MFAP3: variants seen among roughly 807,000 people sequenced by gnomAD.
MFAP3 encodes microfibril associated protein 3.
Under a neutral mutation model 20.5 loss-of-function variants are expected in MFAP3, and 8 were observed. The ratio of observed to expected loss-of-function variants is 0.39; its 90% CI spans 0.23 to 0.70. The LOEUF is 0.70. Among genes scored for constraint, MFAP3 ranks in the 30% least tolerant of loss-of-function variants. The pLI is 0.44. For missense variants in MFAP3, 398 were observed against 444.6 expected (o/e 0.90, Z 0.94); for synonymous variants, 140 against 154.0 (o/e 0.91, Z 0.67).
Position 154,053,113 on chromosome 5 carries a change from C to G in MFAP3, c.489C>G (p.Leu163=). 6.2e-7 allele frequency: 1 copy of G among 1,613,878 alleles called. No homozygotes were observed. The highest frequency in any genetic ancestry group is 8.5e-7 in the Non-Finnish European group (1 of 1,179,910). The change falls in exon 3 of 3, where the codon CTC becomes CTG. Residue 163 remains leucine (L), a synonymous_variant. Coordinates refer to ENST00000522782, the MANE Select transcript of MFAP3 (RefSeq NM_005927.5). ...IVCLIAFTIT[L]ILNVTRLCMM... Reference sequence around the variant, plus strand: ...GCCTGATTGCCTTTACAATCACACTCATCTTGAATGTCACACGGCTGTGCA... The same window carrying G: ...GCCTGATTGCCTTTACAATCACACTGATCTTGAATGTCACACGGCTGTGCA...
Position 154,054,925 on chromosome 5 carries a change from G to A in MFAP3, c.*1212G>A, listed in dbSNP as rs1478547670. On this transcript the variant is annotated 3_prime_UTR_variant, in exon 3 of 3. Transcript: ENST00000522782. Reference sequence around the variant, plus strand: ...AATAAGATTAGATAATTGTGAGGGTGTGTTACTATATTAAAATACACACAC... The same window carrying A: ...AATAAGATTAGATAATTGTGAGGGTATGTTACTATATTAAAATACACACAC... 6.0e-6 allele frequency: 1 copy of A among 167,044 alleles called. No homozygotes were observed. The highest frequency in any genetic ancestry group is 2.4e-5 in the African/African-American group (1 of 41,448). The allele number at this position is 167,044 out of a possible 1,614,324, so 10.3% of individuals were successfully genotyped here.
intron 1 of MFAP3, among the ~76,000 whole-genome samples, chr5:154,042,474 A>G (rs573619895): frequency 2.0e-5 from 3 of 152,324 alleles, no homozygotes; most frequent in South Asian, 4.1e-4. Context: ...AGTAATATAA[A>G]GGCTATTTTA....
In MFAP3 at chr5:154,043,742, A is replaced by T. The variant is rs73805532; in HGVS notation, c.-167+4731A>T. On this transcript the variant is annotated intron_variant, in intron 1 of 2. Transcript: ENST00000522782. Reference sequence around the variant, plus strand: ...CAGCAGGCATAATATATATATATATATTTTTTTTTCCAAATACAAATGCAC... The same window carrying T: ...CAGCAGGCATAATATATATATATATTTTTTTTTTTCCAAATACAAATGCAC... Among the ~76,000 whole-genome samples the T allele has an allele frequency of 5.7e-3, 809 of 143,004 alleles. 4 individuals carry two copies. The highest frequency in any genetic ancestry group is 0.024 in the South Asian group (103 of 4,354). 93.8% of individuals were successfully genotyped at this position (143,004 alleles called of 152,430 possible).
intron 2 of MFAP3, chr5:154,051,898 T>C (rs2578369): frequency 0.65 from 98,438 of 151,458 alleles, 32,330 homozygotes; most frequent in East Asian, 0.88. Flanking sequence ...GCTAACCTCC[T>C]CTGGGACACC....
chr5:154,044,396 C>T (rs769456322), intron 1 of MFAP3, among the ~76,000 whole-genome samples: 10 of 152,146 alleles, frequency 6.6e-5, no homozygotes, highest in East Asian at 1.9e-4. Context: ...TTCTTGGACA[C>T]GTATCTTTGC....
intron 1 of MFAP3, among the ~76,000 whole-genome samples, chr5:154,048,763 C>G (rs568134724): frequency 6.6e-6 from 1 of 152,292 alleles, no homozygotes; most frequent in African/African-American, 2.4e-5. Flanking sequence ...TGCATTTCTA[C>G]TAACTAGACA....
chr5:154,051,134 A>G (rs898774556), intron 2 of MFAP3, among the ~76,000 whole-genome samples: 8 of 152,246 alleles, frequency 5.3e-5, no homozygotes, highest in African/African-American at 1.9e-4. Flanking sequence ...TGTTTAAAAT[A>G]CATAACTATT....
intron 2 of MFAP3, 42 bp downstream of exon 2, chr5:154,050,059 T>A: frequency 6.5e-7 from 1 of 1,534,230 alleles, no homozygotes. Context: ...ACTCATTTCC[T>A]GTTCTGTCTT....
chr5:154,040,014 A>G (rs1772883647), intron 1 of MFAP3, among the ~76,000 whole-genome samples: 1 of 152,206 alleles, frequency 6.6e-6, no homozygotes, highest in Non-Finnish European at 1.5e-5. Context: ...CCCCTGCTTA[A>G]ATATAAAATG....
At chr5:154,041,969 A>G (rs1220041799) in intron 1 of MFAP3, among the ~76,000 whole-genome samples, 1 of 152,248 alleles carries the variant, frequency 6.6e-6, no homozygotes, top group East Asian at 1.9e-4. Flanking sequence ...ATAAATGTGA[A>G]AACTAAGGCC....
chr5:154,049,326 G>T (rs1773127479), intron 1 of MFAP3, among the ~76,000 whole-genome samples: 1 of 152,134 alleles, frequency 6.6e-6, no homozygotes, highest in Non-Finnish European at 1.5e-5. Flanking sequence ...GCTTGCCAAG[G>T]TCGTACAGCT....
At chr5:154,044,281 T>G (rs961024833) in intron 1 of MFAP3, among the ~76,000 whole-genome samples, 5 of 152,230 alleles carry the variant, frequency 3.3e-5, no homozygotes, top group African/African-American at 9.6e-5. Flanking sequence ...CAGAAACCCA[T>G]TCAAGCTGAC....
rs551886232 is a variant in MFAP3, at chr5:154,054,876, C to T, written c.*1163C>T. ...TTCTGAGCTATGGCTGCTTTTGTAG[C>T]CTTTCCAAGAAGCACTAACCTGAAA... On this transcript the variant is annotated 3_prime_UTR_variant, in exon 3 of 3. Transcript: ENST00000522782. The T allele has an allele frequency of 6.0e-6, 1 of 167,094 alleles. No individual in the cohort carries two copies. The highest frequency in any genetic ancestry group is 2.4e-5 in the African/African-American group (1 of 41,544). 10.4% of individuals were successfully genotyped at this position (167,094 alleles called of 1,614,324 possible).
chr5:154,044,499 ATGTACATGG>A (rs896610783), intron 1 of MFAP3, among the ~76,000 whole-genome samples: 1 of 152,188 alleles, frequency 6.6e-6, no homozygotes, highest in African/African-American at 2.4e-5. Flanking sequence ...TGTGTTCAGG[ATGTACATGG>A]TATGAGTGAA....
intron 1 of MFAP3, among the ~76,000 whole-genome samples, chr5:154,044,740 C>T (rs938982980): frequency 6.6e-6 from 1 of 152,194 alleles, no homozygotes; most frequent in Non-Finnish European, 1.5e-5. Flanking sequence ...GCTTGCCACA[C>T]TCCACTGTGT....
intron 1 of MFAP3, among the ~76,000 whole-genome samples, chr5:154,047,980 A>T (rs569832901): frequency 5.1e-4 from 77 of 152,338 alleles, no homozygotes; most frequent in Non-Finnish European, 1.0e-3. Flanking sequence ...TTGGAAACTT[A>T]CATGTCAAGC....
At position 154,052,905 on chromosome 5, in the gene MFAP3, C is replaced by A; in HGVS notation, c.296-15C>A. ...TTTTGCTATAATTTTTTTTTCATTT[C>A]TGTTCAATTATCAGGTGGAAAGTGG... On this transcript the variant is annotated splice_polypyrimidine_tract_variant and intron_variant, in intron 2 of 2. Coordinates refer to ENST00000522782, the MANE Select transcript of MFAP3 (RefSeq NM_005927.5). 1 of 1,574,662 alleles carries A rather than the reference C, an allele frequency of 6.4e-7. No individual in the cohort carries two copies. Among genetic ancestry groups the A allele is most frequent in the Non-Finnish European group, 8.6e-7 (1 of 1,160,204 alleles).
At chr5:154,040,053 T>G (rs183002352) in intron 1 of MFAP3, among the ~76,000 whole-genome samples, 2 of 152,324 alleles carry the variant, frequency 1.3e-5, no homozygotes, top group East Asian at 3.9e-4. Context: ...TCTGTTGTAA[T>G]GGAAAATGCA....
chr5:154,040,260 G>T (rs968319069), intron 1 of MFAP3, among the ~76,000 whole-genome samples: 2 of 152,108 alleles, frequency 1.3e-5, no homozygotes, highest in African/African-American at 4.8e-5. Context: ...TTCAACAAAG[G>T]TTATTCATTT....
Sources: allele counts gnomAD v4.1 joint callset (sites outside exome capture counted in the v4.1 genomes callset), GRCh38; gene constraint gnomAD v4.1.1; transcripts MANE v1.5; gene names NCBI Gene and HGNC (gene_info 2026-07-23, HGNC 2026-07-21).